TRPC4AP: variants seen among roughly 807,000 people sequenced by gnomAD.
TRPC4AP encodes short transient receptor potential channel 4-associated protein.
TRPC4AP carries 45 observed loss-of-function variants against 99.0 expected under a neutral mutation model. The observed-to-expected ratio is 0.45, with a 90% CI of 0.36 to 0.58. The LOEUF is 0.58. Among genes scored for constraint, TRPC4AP ranks in the 20% least tolerant of loss-of-function variants. The pLI, the probability that TRPC4AP is intolerant of heterozygous loss-of-function variation, is 0.00. For synonymous variants in TRPC4AP, 408 were observed against 385.8 expected (o/e 1.06, Z -0.67); for missense variants, 879 against 985.3 (o/e 0.89, Z 1.44).
At chr20:35,010,466 C>T (rs1389439536) in intron 11 of TRPC4AP, among the ~76,000 whole-genome samples, 178 bp from the exon 12 acceptor site, 2 of 152,150 alleles carry the variant, frequency 1.3e-5, no homozygotes, top group African/African-American at 4.8e-5. Context: ...ACTCTGGGCT[C>T]TCAGGCAGTG....
chr20:35,007,363 C>T (rs1435225741), intron 14 of TRPC4AP, among the ~76,000 whole-genome samples, 187 bp downstream of exon 14: 2 of 152,232 alleles, frequency 1.3e-5, no homozygotes, highest in Non-Finnish European at 2.9e-5. Flanking sequence ...ACCTGTCACC[C>T]CGTAAGCACC....
intron 17 of TRPC4AP, among the ~76,000 whole-genome samples, chr20:35,003,883 G>A (rs529970125): frequency 6.6e-6 from 1 of 152,298 alleles, no homozygotes; most frequent in Admixed American, 6.5e-5. Flanking sequence ...CTGGGCTCAA[G>A]CATCACTCCT....
At chr20:35,049,443 A>G (rs1395233893) in intron 6 of TRPC4AP, among the ~76,000 whole-genome samples, 6 of 151,626 alleles carry the variant, frequency 4.0e-5, no homozygotes, top group Non-Finnish European at 1.5e-5. Context: ...TACCAAGGAG[A>G]ACATATCCTA....
Position 35,003,631 on chromosome 20 carries a change from G to T in TRPC4AP, c.2050-15C>A. On this transcript the variant is annotated splice_polypyrimidine_tract_variant and intron_variant, in intron 17 of 18. Transcript: ENST00000252015. ...CTGACGTTCTCCTGCAAGGCCACAGGCCCACAGGGTCAGGGGCTGGTGGGA... is the reference window on the plus strand; with the variant it reads ...CTGACGTTCTCCTGCAAGGCCACAGTCCCACAGGGTCAGGGGCTGGTGGGA... 1 of 1,610,342 alleles carries T rather than the reference G, an allele frequency of 6.2e-7. No individual in the cohort carries two copies.
chr20:35,012,455 G>C (rs1435979811), intron 11 of TRPC4AP, among the ~76,000 whole-genome samples: 2 of 152,164 alleles, frequency 1.3e-5, no homozygotes, highest in East Asian at 3.8e-4. Context: ...CCTCCCCAAT[G>C]CCAAGGTCAA....
intron 2 of TRPC4AP, among the ~76,000 whole-genome samples, chr20:35,074,277 T>G (rs1344874050): frequency 6.6e-6 from 1 of 152,236 alleles, no homozygotes; most frequent in Non-Finnish European, 1.5e-5. Context: ...CCTTCAGTAC[T>G]GCTCTGATCT....
intron 2 of TRPC4AP, among the ~76,000 whole-genome samples, chr20:35,074,416 A>C (rs1171735002): frequency 6.6e-6 from 1 of 152,128 alleles, no homozygotes; most frequent in African/African-American, 2.4e-5. Context: ...TAGTGCTATA[A>C]ATTTCCCTCT....
intron 8 of TRPC4AP, 51 bp from the exon 9 acceptor site, chr20:35,021,407 G>A (rs749648915): frequency 2.9e-5 from 46 of 1,593,164 alleles, no homozygotes; most frequent in Non-Finnish European, 3.6e-5. Flanking sequence ...GAGGAAACAC[G>A]TTTCTGCCCC....
intron 1 of TRPC4AP, among the ~76,000 whole-genome samples, chr20:35,080,587 T>C (rs914081576): frequency 7.0e-6 from 1 of 142,894 alleles, no homozygotes; most frequent in African/African-American, 2.6e-5. Context: ...AAAGGCCATA[T>C]ATTGTCTGAT....
chr20:35,008,293 CG>C (rs1208366164), intron 13 of TRPC4AP, among the ~76,000 whole-genome samples: 2 of 152,208 alleles, frequency 1.3e-5, no homozygotes, highest in Admixed American at 1.3e-4. Flanking sequence ...GCCCTAGCAG[CG>C]GAAGAGGCTT....
chr20:35,006,544 C>T lies in TRPC4AP; in HGVS notation c.1718G>A (p.Cys573Tyr). The change falls in exon 15 of 19, where the codon TGT becomes TAT. Residue 573 changes from cysteine to tyrosine, a missense_variant. Cys to Tyr is a radical substitution (Grantham distance 194, BLOSUM62 -2). Transcript: ENST00000252015. ...ACTCTGGAGCACATCCCTTGACTTA[C>T]ACTCGCTGTCCACAATGCAGTAAAG... Reference protein sequence around the residue: ...HILYCIVDSECKSRDVLQSYF... With the variant: ...HILYCIVDSEYKSRDVLQSYF... 2 of 1,614,236 alleles carry T rather than the reference C, an allele frequency of 1.2e-6. No homozygotes were observed. Among genetic ancestry groups the T allele is most frequent in the Non-Finnish European group, 1.7e-6 (2 of 1,180,042 alleles).
At chr20:35,054,191 T>TG (rs1247757270) in intron 5 of TRPC4AP, among the ~76,000 whole-genome samples, 5 of 150,780 alleles carry the variant, frequency 3.3e-5, no homozygotes, top group East Asian at 1.9e-4. Flanking sequence ...AGCTAAATGT[T>TG]TTTTTTTTTT....
At chr20:35,063,789 G>T (rs756222576) in intron 3 of TRPC4AP, among the ~76,000 whole-genome samples, 16 of 152,008 alleles carry the variant, frequency 1.1e-4, no homozygotes, top group Non-Finnish European at 2.1e-4. Flanking sequence ...AGAGCCCAGG[G>T]GTTCAAGGCT....
intron 3 of TRPC4AP, among the ~76,000 whole-genome samples, chr20:35,065,133 T>C (rs181479511): frequency 2.4e-4 from 37 of 152,334 alleles, no homozygotes; most frequent in Admixed American, 2.1e-3. Context: ...AAATGGAAGA[T>C]AGACTATGTC....
chr20:35,004,326 C>T, intron 17 of TRPC4AP, 132 bp downstream of exon 17: 1 of 751,236 alleles, frequency 1.3e-6, no homozygotes, highest in Admixed American at 2.1e-5. Flanking sequence ...TCCTCCTGAG[C>T]ACAGTCCTCA....
At chr20:35,034,627 G>C (rs1474569574) in intron 8 of TRPC4AP, among the ~76,000 whole-genome samples, 2 of 152,172 alleles carry the variant, frequency 1.3e-5, no homozygotes, top group South Asian at 2.1e-4. Context: ...CTGCTGGCCA[G>C]AGTCAAATGC....
chr20:35,003,573 A>T lies in TRPC4AP; in HGVS notation c.2093T>A (p.Leu698Gln), dbSNP rs2082444231. 1 of 1,613,916 alleles carries T rather than the reference A, an allele frequency of 6.2e-7. No individual in the cohort carries two copies. Among genetic ancestry groups the T allele is most frequent in the Non-Finnish European group, 8.5e-7 (1 of 1,180,000 alleles). ...CLNTSLVILM[L>Q]ARRKERLPLY... is the part of the protein sequence containing the mutation. Reference sequence around the variant, plus strand: ...GGGCAGCCGCTCTTTCCGTCGGGCCAGCATCAGGATCACCAGGCTGGTGTT... The same window carrying T: ...GGGCAGCCGCTCTTTCCGTCGGGCCTGCATCAGGATCACCAGGCTGGTGTT... Residue 698 changes from leucine (L) to glutamine (Q), a missense_variant, in exon 18 of 19, where the codon CTG (leucine) becomes CAG (glutamine). Transcript: ENST00000252015.
intron 13 of TRPC4AP, among the ~76,000 whole-genome samples, chr20:35,007,865 G>A (rs2082547016): frequency 6.6e-6 from 1 of 152,184 alleles, no homozygotes; most frequent in South Asian, 2.1e-4. Flanking sequence ...TGTCTGGAAG[G>A]GGCTGTGTCA....
chr20:35,039,718 T>G (rs927124539), intron 7 of TRPC4AP, among the ~76,000 whole-genome samples: 5 of 152,140 alleles, frequency 3.3e-5, no homozygotes, highest in African/African-American at 1.2e-4. Flanking sequence ...ATAGCTTCAT[T>G]TACATCTCTG....
Sources: allele counts gnomAD v4.1 joint callset (sites outside exome capture counted in the v4.1 genomes callset), GRCh38; gene constraint gnomAD v4.1.1; transcripts MANE v1.5; gene names NCBI Gene and HGNC (gene_info 2026-07-23, HGNC 2026-07-21).